Variants in CSMD1 observed in about 807,000 individuals in gnomAD.
CSMD1 encodes CUB and Sushi multiple domains 1.
Under a neutral mutation model 417.5 loss-of-function variants are expected in CSMD1, and 213 were observed. The observed-to-expected ratio is 0.51, with a 90% confidence interval of 0.46 to 0.57. The LOEUF (loss-of-function observed/expected upper bound fraction) is 0.57. Ranked by LOEUF, CSMD1 falls within the 20% of genes least tolerant of loss-of-function variation. The pLI is 0.00. For missense variants in CSMD1, 6,923 were observed against 4,529.7 expected, an observed-to-expected ratio of 1.53 and a Z score of -15.17; for synonymous variants, 2,862 against 1,736.8, an observed-to-expected ratio of 1.65 and a Z score of -16.11.
chr8:4,727,137 C>T (rs772488974), intron 1 of CSMD1, among the ~76,000 whole-genome samples: 4 of 151,998 alleles, frequency 2.6e-5, no homozygotes, highest in East Asian at 1.9e-4. Context: ...GTAACTTCTG[C>T]GGGGACACTT....
chr8:3,809,634 G>C lies in CSMD1; in HGVS notation c.819-55592C>G, dbSNP rs534676434. Among the ~76,000 whole-genome samples, 8 of 152,246 alleles carry C rather than the reference G, an allele frequency of 5.3e-5. No individual in the cohort carries two copies. In the East Asian group the frequency reaches 1.2e-3, roughly 22 times the overall value. ...CTAATTCAGTCTGTCTCTGGTGGCG[G>C]CTAAGAATTCTCATTCTAACATCAG... On this transcript the variant is annotated intron_variant, in intron 5 of 69. Coordinates refer to ENST00000635120, the MANE Select transcript of CSMD1 (RefSeq NM_033225.6).
chr8:4,584,523 C>G (rs1392463976), intron 2 of CSMD1, among the ~76,000 whole-genome samples: 1 of 152,120 alleles, frequency 6.6e-6, no homozygotes. Flanking sequence ...ACCCCCAACT[C>G]TTCGGAGTTG....
At chr8:3,188,289 T>C (rs1268356400) in intron 35 of CSMD1, among the ~76,000 whole-genome samples, 3 of 140,346 alleles carry the variant, frequency 2.1e-5, no homozygotes, top group Non-Finnish European at 3.0e-5. Context: ...TTTATTTTTC[T>C]TTTTCTTTTC....
intron 10 of CSMD1, among the ~76,000 whole-genome samples, chr8:3,552,974 T>C (rs1468975840): frequency 2.0e-5 from 3 of 152,174 alleles, no homozygotes; most frequent in African/African-American, 4.8e-5. Context: ...TCAGAAATAG[T>C]TCACCACATA....
At chr8:3,924,782 C>G (rs1467821871) in intron 5 of CSMD1, among the ~76,000 whole-genome samples, 1 of 152,032 alleles carries the variant, frequency 6.6e-6, no homozygotes, top group African/African-American at 2.4e-5. Flanking sequence ...TACTCTTCAA[C>G]TCTCTATTCG....
intron 1 of CSMD1, among the ~76,000 whole-genome samples, chr8:4,946,458 C>A (rs552991736): frequency 6.6e-6 from 1 of 152,064 alleles, no homozygotes; most frequent in Non-Finnish European, 1.5e-5. Context: ...GGCTGGTCTG[C>A]CCAGTGACCC....
chr8:4,094,368 A>C (rs933189463), intron 3 of CSMD1, among the ~76,000 whole-genome samples: 3 of 152,060 alleles, frequency 2.0e-5, no homozygotes, highest in African/African-American at 4.8e-5. Flanking sequence ...GTAACAGAGG[A>C]AAGAGTGGGT....
chr8:4,382,846 C>T (rs1344114577), intron 3 of CSMD1, among the ~76,000 whole-genome samples: 1 of 152,168 alleles, frequency 6.6e-6, no homozygotes, highest in African/African-American at 2.4e-5. Flanking sequence ...CGACCTTACA[C>T]ATTTTGCCTA....
intron 40 of CSMD1, among the ~76,000 whole-genome samples, chr8:3,149,446 C>G (rs1214185395): frequency 1.3e-5 from 2 of 152,096 alleles, no homozygotes; most frequent in African/African-American, 4.8e-5. Flanking sequence ...GTGCCAAACC[C>G]TGCACTAATC....
chr8:4,667,415 T>C (rs116932075), intron 1 of CSMD1, among the ~76,000 whole-genome samples: 3,519 of 152,130 alleles, frequency 0.023, 66 homozygotes, highest in Middle Eastern at 0.055. Context: ...TGATTTGGAT[T>C]GCATTGAATC....
At chr8:2,969,148 C>T (rs544753991) in intron 57 of CSMD1, among the ~76,000 whole-genome samples, 4 of 152,156 alleles carry the variant, frequency 2.6e-5, no homozygotes, top group African/African-American at 7.2e-5. Flanking sequence ...TACTTATTCC[C>T]GGCTGTTACC....
intron 3 of CSMD1, among the ~76,000 whole-genome samples, chr8:4,123,848 G>C (rs1023371462): frequency 3.9e-5 from 6 of 152,180 alleles, no homozygotes; most frequent in South Asian, 2.1e-4. Context: ...ATGAGAACAC[G>C]GAACTTTCAA....
At chr8:4,061,776 A>T (rs1378770427) in intron 3 of CSMD1, among the ~76,000 whole-genome samples, 1 of 152,246 alleles carries the variant, frequency 6.6e-6, no homozygotes, top group Non-Finnish European at 1.5e-5. Context: ...GTACCTAAAA[A>T]GGAGTTCTCC....
intron 1 of CSMD1, among the ~76,000 whole-genome samples, chr8:4,838,401 T>C (rs1800628194): frequency 6.6e-6 from 1 of 152,200 alleles, no homozygotes; most frequent in African/African-American, 2.4e-5. Context: ...GATTGCAACC[T>C]GATATTTGTT....
At chr8:4,290,002 T>C (rs1467488654) in intron 3 of CSMD1, among the ~76,000 whole-genome samples, 3 of 152,224 alleles carry the variant, frequency 2.0e-5, no homozygotes, top group Non-Finnish European at 2.9e-5. Context: ...GAATGTGTTA[T>C]GTGCTAAGCA....
chr8:4,055,212 T>G (rs2740880), intron 3 of CSMD1, among the ~76,000 whole-genome samples: 137,547 of 152,228 alleles, frequency 0.9, 62,342 homozygotes, highest in East Asian at 0.99. Context: ...TTATTCAATT[T>G]TTAAAAACCA....
intron 23 of CSMD1, among the ~76,000 whole-genome samples, chr8:3,331,252 A>AG (rs1806877250): frequency 6.8e-6 from 1 of 146,838 alleles, no homozygotes; most frequent in Non-Finnish European, 1.5e-5. Flanking sequence ...AAAAAAAAAA[A>AG]GAAAAGCAAC....
intron 2 of CSMD1, among the ~76,000 whole-genome samples, chr8:4,469,923 A>C (rs1800427148): frequency 6.6e-6 from 1 of 150,684 alleles, no homozygotes; most frequent in Admixed American, 6.6e-5. Context: ...GCTGGAGTGC[A>C]GTGGTGTGAT....
chr8:4,700,350 A>G (rs539680769), intron 1 of CSMD1, among the ~76,000 whole-genome samples: 2 of 152,078 alleles, frequency 1.3e-5, no homozygotes, highest in South Asian at 4.1e-4. Context: ...TATAATACAT[A>G]TTATAAAAAT....
Sources: allele counts gnomAD v4.1 joint callset (sites outside exome capture counted in the v4.1 genomes callset), GRCh38; gene constraint gnomAD v4.1.1; transcripts MANE v1.5; gene names NCBI Gene and HGNC (gene_info 2026-07-23, HGNC 2026-07-21).